TENM2: variants seen among roughly 807,000 people sequenced by gnomAD.
The protein encoded by TENM2 is teneurin transmembrane protein 2, also known as teneurin-2.
TENM2 carries 52 observed loss-of-function variants against 245.2 expected under a neutral mutation model. The observed-to-expected ratio is 0.21, with a 90% CI of 0.17 to 0.27. The LOEUF is 0.27. TENM2 is among the 10% of genes least tolerant of loss of function. The pLI is 1.00. For synonymous variants in TENM2, 1,363 were observed against 1,438.9 expected (o/e 0.95, Z 1.19); for missense variants, 3,046 against 3,666.8 (o/e 0.83, Z 4.37).
chr5:167,242,150 A>G, the TENM2 span, among the ~76,000 whole-genome samples: 11 of 151,382 alleles, frequency 7.3e-5, no homozygotes, highest in Non-Finnish European at 7.4e-5. Flanking sequence ...CCCAGGTTCA[A>G]GCGATTCTCC....
chr5:167,248,042 T>C, the TENM2 span, among the ~76,000 whole-genome samples: 1 of 152,034 alleles, frequency 6.6e-6, no homozygotes, highest in Non-Finnish European at 1.5e-5. Flanking sequence ...AAAGAAAACA[T>C]AGCATGCAGA....
At chr5:167,979,034 T>A (rs1315438700) in intron 4 of TENM2, among the ~76,000 whole-genome samples, 2 of 152,164 alleles carry the variant, frequency 1.3e-5, no homozygotes, top group African/African-American at 4.8e-5. Flanking sequence ...ACATGTGATT[T>A]GATTAATAGT....
rs532429894 is a variant in TENM2 at position 168,154,965 on chromosome 5, G to C, written c.2423-7646G>C. Among the ~76,000 whole-genome samples, 5 of 152,300 alleles carry C rather than the reference G, an allele frequency of 3.3e-5. No homozygotes were observed. The East Asian group carries it at 7.7e-4, about 23-fold the overall frequency. On this transcript the variant is annotated intron_variant, in intron 12 of 28. Coordinates refer to ENST00000518659, the Ensembl canonical transcript of TENM2. ...AAGCAGAGTCAGCTGTGGACGTGCA[G>C]GTTCATGGCTGCGTGTCCACGCCAT...
chr5:167,151,587 C>T, the TENM2 span, among the ~76,000 whole-genome samples: 1 of 152,112 alleles, frequency 6.6e-6, no homozygotes, highest in African/African-American at 2.4e-5. Flanking sequence ...GGTGCAGTCT[C>T]GGCTCACTGC....
chr5:167,355,291 C>T (rs17068369), intron 1 of TENM2, among the ~76,000 whole-genome samples: 2,709 of 152,216 alleles, frequency 0.018, 89 homozygotes, highest in African/African-American at 0.061. Flanking sequence ...GCAGGAAAGT[C>T]AACCAAAGCC....
At chr5:167,906,087 C>A (rs1452976021) in intron 3 of TENM2, among the ~76,000 whole-genome samples, 1 of 152,158 alleles carries the variant, frequency 6.6e-6, no homozygotes, top group Non-Finnish European at 1.5e-5. Context: ...CACCTGCCAA[C>A]CCTGCAGGAG....
intron 2 of TENM2, among the ~76,000 whole-genome samples, chr5:167,412,873 GA>G (rs1375690268): frequency 1.1e-5 from 1 of 87,092 alleles, no homozygotes; most frequent in Non-Finnish European, 2.7e-5. Context: ...ATATGTCATC[GA>G]AAGCAAAAAA....
chr5:167,485,543 G>A (rs1768006523), intron 2 of TENM2, among the ~76,000 whole-genome samples: 1 of 152,118 alleles, frequency 6.6e-6, no homozygotes. Flanking sequence ...CTCTAACTGT[G>A]CCTCTGTGTC....
At chr5:167,831,500 T>TG (rs1768489234) in intron 2 of TENM2, among the ~76,000 whole-genome samples, 1 of 151,278 alleles carries the variant, frequency 6.6e-6, no homozygotes, top group South Asian at 2.1e-4. Context: ...TTTTTTTTTT[T>TG]TTTTTTAAGA....
At chr5:167,708,108 C>T (rs554672461) in intron 2 of TENM2, among the ~76,000 whole-genome samples, 4 of 152,118 alleles carry the variant, frequency 2.6e-5, no homozygotes, top group African/African-American at 9.6e-5. Context: ...AATTCTGATT[C>T]CTATTGATTG....
At chr5:167,934,548 T>C (rs561603244) in intron 3 of TENM2, among the ~76,000 whole-genome samples, 2 of 152,294 alleles carry the variant, frequency 1.3e-5, no homozygotes, top group Admixed American at 6.5e-5. Flanking sequence ...AGTACCGATG[T>C]CAAGCCTAGC....
At chr5:167,918,698 ACCAGTAAGCATTTGG>A (rs1777129781) in intron 3 of TENM2, among the ~76,000 whole-genome samples, 1 of 151,868 alleles carries the variant, frequency 6.6e-6, no homozygotes, top group Admixed American at 6.6e-5. Flanking sequence ...TATTAGAGAG[ACCAGTAAGCATTTGG>A]CCAGCACCTC....
At chr5:167,070,804 C>T in the TENM2 span, among the ~76,000 whole-genome samples, 5 of 152,068 alleles carry the variant, frequency 3.3e-5, no homozygotes, top group African/African-American at 1.2e-4. Flanking sequence ...TGTTCACTGA[C>T]GATGCTTGGT....
chr5:167,109,063 T>G, the TENM2 span, among the ~76,000 whole-genome samples: 1 of 152,184 alleles, frequency 6.6e-6, no homozygotes, highest in African/African-American at 2.4e-5. Flanking sequence ...GAAACCTTCA[T>G]TAACGGATAA....
At chr5:167,698,690 T>TTG (rs1554102373) in intron 2 of TENM2, among the ~76,000 whole-genome samples, 5 of 143,384 alleles carry the variant, frequency 3.5e-5, no homozygotes, top group African/African-American at 1.4e-4. Flanking sequence ...TTTTTTTTTT[T>TTG]TTTTTTTTTT....
At chr5:167,181,500 GTGTA>G in the TENM2 span, among the ~76,000 whole-genome samples, 2 of 147,046 alleles carry the variant, frequency 1.4e-5, no homozygotes, top group Non-Finnish European at 3.0e-5. Context: ...GTGTGTGTGT[GTGTA>G]TGTGTATTTT....
the TENM2 span, among the ~76,000 whole-genome samples, chr5:167,178,765 G>T: frequency 6.6e-6 from 1 of 152,128 alleles, no homozygotes; most frequent in South Asian, 2.1e-4. Context: ...TCAAAGTCAA[G>T]TATCTCAACA....
At chr5:167,083,875 G>A in the TENM2 span, among the ~76,000 whole-genome samples, 2 of 152,098 alleles carry the variant, frequency 1.3e-5, no homozygotes, top group African/African-American at 4.8e-5. Context: ...GATGATTCAT[G>A]AGACAAATAA....
chr5:167,649,653 A>G (rs1488477869), intron 2 of TENM2, among the ~76,000 whole-genome samples: 2 of 152,198 alleles, frequency 1.3e-5, no homozygotes, highest in African/African-American at 4.8e-5. Context: ...TCCCTTGGAA[A>G]ACACAGACAG....
Sources: gnomAD v4.1 joint callset for allele counts (sites outside exome capture counted in the v4.1 genomes callset) on GRCh38, gnomAD v4.1.1 for gene constraint, MANE v1.5 for transcripts, NCBI Gene and HGNC (gene_info 2026-07-23, HGNC 2026-07-21) for gene names.